SIRT6: variants seen among roughly 807,000 people sequenced by gnomAD.
SIRT6 encodes the protein sirtuin 6, also known as NAD-dependent protein deacylase sirtuin-6.
A neutral mutation model predicts 33.6 loss-of-function variants in SIRT6; 21 were observed. The observed-to-expected ratio is 0.62, with a 90% confidence interval of 0.44 to 0.90. The LOEUF is 0.90. Among genes scored for constraint, SIRT6 ranks in the 40% least tolerant of loss-of-function variants. The pLI is 0.00. For synonymous variants in SIRT6, 221 were observed against 223.9 expected, an observed-to-expected ratio of 0.99 and a Z score of 0.12; for missense variants, 504 against 510.6, an observed-to-expected ratio of 0.99 and a Z score of 0.12.
rs866985233 is a variant in SIRT6 at position 4,175,875 on chromosome 19, G to A, written c.500C>T (p.Thr167Ile). The A allele has an allele frequency of 6.4e-7, 1 of 1,566,694 alleles. No individual in the cohort carries two copies. Among genetic ancestry groups the A allele is most frequent in the South Asian group, 1.2e-5 (1 of 85,210 alleles). Reference protein sequence around the residue: ...MGLKATGRLCTVAKARGLRAC... With the variant: ...MGLKATGRLCIVAKARGLRAC... ...TCGCAGCCCCCTTGCCTTAGCCACG[G>A]TGCAGAGCCGGCCCGTGGCCTTCAG... is the stretch of plus-strand genomic sequence containing the variant. Residue 167 changes from threonine (T) to isoleucine (I), a missense_variant, in exon 5 of 8, where the codon ACC (threonine) becomes ATC (isoleucine). Physicochemically the swap from Thr to Ile is moderately conservative, Grantham distance 89 (BLOSUM62 -1). Coordinates refer to ENST00000337491, the MANE Select transcript of SIRT6 (RefSeq NM_016539.4).
At position 4,175,049 on chromosome 19, in the gene SIRT6, G is replaced by A; in HGVS notation, c.717C>T (p.Val239=). 6.3e-7 allele frequency: 1 copy of A among 1,591,692 alleles called. No homozygotes were observed. The highest frequency in any genetic ancestry group is 1.1e-5 in the South Asian group (1 of 88,672). Residue 239 remains valine (V), a synonymous_variant, in exon 7 of 8, where the codon GTC becomes GTT. Transcript: ENST00000337491. ...TKRRGGRLVI[V]NLQPTKHDRH... The stretch of plus-strand genomic sequence containing the variant: ...CTACGTGCTTGGTGGGCTGCAGGTT[G>A]ACGATGACCAGGCGGCCTCCCCGGC...
At chr19:4,181,176 C>T (rs1258475700) in intron 1 of SIRT6, among the ~76,000 whole-genome samples, 1 of 152,174 alleles carries the variant, frequency 6.6e-6, no homozygotes, top group African/African-American at 2.4e-5. Flanking sequence ...CTCTCCCTGC[C>T]TCACTCTGCT....
Position 4,174,928 on chromosome 19 carries a change from G to T in SIRT6, c.757C>A (p.Arg253Ser). ...PTKHDRHADL[R>S]IHGYVDEVMT... ...ACCTCGTCAACGTAGCCATGGATGC[G>T]GAGGTCAGCATGGCGGTCCTGCCGA... The change falls in exon 8 of 8, where the codon CGC becomes AGC. Residue 253 changes from arginine (R) to serine (S), a missense_variant. Coordinates refer to ENST00000337491, the MANE Select transcript of SIRT6 (RefSeq NM_016539.4). This position sits in a 1 kb window ranked among gnomAD's most constrained non-coding sequence, Gnocchi z 4.2. The T allele has an allele frequency of 6.2e-7, 1 of 1,607,374 alleles. No homozygotes were observed. Among genetic ancestry groups the T allele is most frequent in the Non-Finnish European group, 8.5e-7 (1 of 1,179,712 alleles).
intron 2 of SIRT6, chr19:4,179,501 A>G (rs1967502331): frequency 1.7e-6 from 1 of 578,688 alleles, no homozygotes; most frequent in African/African-American, 1.9e-5. Context: ...ACAGAGAGAT[A>G]AAGAGTTAAA....
At chr19:4,180,980 A>G in intron 1 of SIRT6, 71 bp from the exon 2 acceptor site, 1 of 1,529,018 alleles carries the variant, frequency 6.5e-7, no homozygotes, top group Non-Finnish European at 8.8e-7. Flanking sequence ...CACGAGCCAC[A>G]GACTGAGCTG....
chr19:4,181,035 T>A, intron 1 of SIRT6, 126 bp from the exon 2 acceptor site: 1 of 1,265,000 alleles, frequency 7.9e-7, no homozygotes, highest in South Asian at 1.5e-5. Flanking sequence ...AAAAGGCAGC[T>A]TGTCCTCATG....
chr19:4,179,025 A>G, intron 3 of SIRT6, 79 bp downstream of exon 3: 1 of 1,517,364 alleles, frequency 6.6e-7, no homozygotes. Context: ...AACCAGGAAA[A>G]GGGGACTCTC....
chr19:4,179,341 C>A lies in SIRT6; in HGVS notation c.195-55G>T, dbSNP rs1205245989. ...GGGGAGAGGGGAACAGAAAAAGAGA[C>A]AGAGGGAGAATCAGAGAGGTATAGA... is the stretch of plus-strand genomic sequence containing the variant. On this transcript the variant is annotated intron_variant, in intron 2 of 7. Transcript: ENST00000337491. The A allele has an allele frequency of 3.2e-5, 48 of 1,504,182 alleles. 1 individual carries two copies. The highest frequency in any genetic ancestry group is 8.3e-5 in the African/African-American group (6 of 71,974). The allele number at this position is 1,504,182 out of a possible 1,614,324, so 93.2% of individuals were successfully genotyped here. A position where few individuals can be genotyped will look rare whatever the true frequency, so the allele number is the denominator to read the frequency against.
intron 1 of SIRT6, chr19:4,182,262 C>A (rs1967736382): frequency 3.7e-6 from 2 of 533,700 alleles, no homozygotes; most frequent in Non-Finnish European, 6.6e-6. Flanking sequence ...CCCTCTCTCC[C>A]CGATCAGCCC....
At position 4,175,947 on chromosome 19, in the gene SIRT6, G is replaced by A. The variant is rs748109141; in HGVS notation, c.438-10C>T. 6.4e-7 allele frequency: 1 copy of A among 1,556,360 alleles called. No homozygotes were observed. Among genetic ancestry groups the A allele is most frequent in the South Asian group, 1.2e-5 (1 of 84,484 alleles). On this transcript the variant is annotated splice_polypyrimidine_tract_variant and intron_variant, in intron 4 of 7. Coordinates refer to ENST00000337491, the MANE Select transcript of SIRT6 (RefSeq NM_016539.4). Reference sequence around the variant, plus strand: ...GTCTCGGACGTACTGCCTGTGTCAGGGAGGAAGGGGGAGGATGGGACCAGG... The same window carrying A: ...GTCTCGGACGTACTGCCTGTGTCAGAGAGGAAGGGGGAGGATGGGACCAGG...
intron 3 of SIRT6, among the ~76,000 whole-genome samples, chr19:4,178,188 A>G (rs1967416973): frequency 6.6e-6 from 1 of 151,190 alleles, no homozygotes; most frequent in Non-Finnish European, 1.5e-5. Context: ...CACCACGCCC[A>G]GCTAATTTTT....
chr19:4,174,989 G>T lies in SIRT6; in HGVS notation c.738+39C>A. 4.4e-6 allele frequency: 7 copies of T among 1,607,752 alleles called. No individual in the cohort carries two copies. Among genetic ancestry groups the T allele is most frequent in the Non-Finnish European group, 5.9e-6 (7 of 1,177,040 alleles). Reference sequence around the variant, plus strand: ...GGGTCAGGCGTGGGGGACAGAGGGTGCATGGTGGCCCTGGGCAGGGGTAGG... The same window carrying T: ...GGGTCAGGCGTGGGGGACAGAGGGTTCATGGTGGCCCTGGGCAGGGGTAGG... On this transcript the variant is annotated intron_variant, in intron 7 of 7. Coordinates refer to ENST00000337491, the MANE Select transcript of SIRT6 (RefSeq NM_016539.4). This position sits in a 1 kb window ranked among gnomAD's most constrained non-coding sequence, Gnocchi z 4.2.
chr19:4,175,530 T>A (rs1252976331), intron 6 of SIRT6, 150 bp downstream of exon 6: 6 of 712,208 alleles, frequency 8.4e-6, no homozygotes, highest in Non-Finnish European at 1.4e-5. Flanking sequence ...TGAGTGCGTG[T>A]GTGCAGCCCC....
intron 2 of SIRT6, 137 bp downstream of exon 2, chr19:4,180,645 T>C: frequency 8.6e-7 from 1 of 1,159,462 alleles, no homozygotes; most frequent in Non-Finnish European, 1.2e-6. Context: ...AAGGGACACA[T>C]CTTAAAGGGA....
intron 3 of SIRT6, among the ~76,000 whole-genome samples, chr19:4,178,578 G>C (rs1203224738): frequency 4.6e-5 from 7 of 152,076 alleles, no homozygotes; most frequent in Admixed American, 3.9e-4. Flanking sequence ...GGCCAAGCGT[G>C]GTGGCTCACA....
In SIRT6 at chr19:4,174,671, G is replaced by T; in HGVS notation, c.1014C>A (p.Ser338Arg). The part of the protein sequence containing the change: ...PASPKRERPT[S>R]PAPHRPPKRV... ...TTTTGGGGGGTCTGTGGGGGGCAGG[G>T]CTGGTGGGCCGCTCCCGTTTGGGGC... Residue 338 changes from serine (S) to arginine (R), a missense_variant, in exon 8 of 8, where the codon AGC becomes AGA. Ser to Arg is a moderately radical substitution (Grantham distance 110). Coordinates refer to ENST00000337491, the MANE Select transcript of SIRT6 (RefSeq NM_016539.4). This position sits in a 1 kb window ranked among gnomAD's most constrained non-coding sequence, Gnocchi z 4.2. 6.8e-7 allele frequency: 1 copy of T among 1,459,892 alleles called. No individual in the cohort carries two copies. The highest frequency in any genetic ancestry group is 9.1e-7 in the Non-Finnish European group (1 of 1,104,192). The allele number at this position is 1,459,892 out of a possible 1,614,324, so 90.4% of individuals were successfully genotyped here.
intron 2 of SIRT6, among the ~76,000 whole-genome samples, chr19:4,179,738 G>T (rs1283397607): frequency 6.6e-6 from 1 of 152,212 alleles, no homozygotes; most frequent in Non-Finnish European, 1.5e-5. Context: ...GTCAAGCCTG[G>T]ATCAGAGGAG....
At chr19:4,179,349 G>A in intron 2 of SIRT6, 63 bp from the exon 3 acceptor site, 4 of 1,481,226 alleles carry the variant, frequency 2.7e-6, no homozygotes, top group Non-Finnish European at 3.6e-6. Context: ...GACAGAGGGA[G>A]AATCAGAGAG....
chr19:4,177,724 G>C (rs1209909811), intron 3 of SIRT6, among the ~76,000 whole-genome samples: 1 of 152,066 alleles, frequency 6.6e-6, no homozygotes, highest in Non-Finnish European at 1.5e-5. Context: ...CTGAGTAGCT[G>C]GGACTACAGG....
Sources: gnomAD v4.1 joint callset for allele counts (sites outside exome capture counted in the v4.1 genomes callset) on GRCh38, gnomAD v4.1.1 for gene constraint, Gnocchi (gnomAD v3.1) non-coding constraint, MANE v1.5 for transcripts, NCBI Gene and HGNC (gene_info 2026-07-23, HGNC 2026-07-21) for gene names.